SLC41A2: variants seen among roughly 807,000 people sequenced by gnomAD.
The protein encoded by SLC41A2 is SLC41A1-like 1.
A neutral mutation model predicts 58.3 loss-of-function variants in SLC41A2; 32 were observed. That is an observed-to-expected ratio of 0.55 (90% CI 0.41 to 0.74). The LOEUF is 0.74. Among genes scored for constraint, SLC41A2 ranks in the 30% least tolerant of loss-of-function variants. The probability of loss-of-function intolerance (pLI) is 0.00; values close to 1 mark genes in which losing one functional copy is unlikely to be tolerated. For synonymous variants in SLC41A2, 190 were observed against 235.0 expected (o/e 0.81, Z 1.75); for missense variants, 514 against 680.6 (o/e 0.76, Z 2.72).
chr12:104,847,789 G>A (rs1036072032), intron 8 of SLC41A2, among the ~76,000 whole-genome samples: 9 of 152,194 alleles, frequency 5.9e-5, no homozygotes, highest in Admixed American at 3.3e-4. Flanking sequence ...GACTGTAAGC[G>A]AAATGACATA....
At chr12:104,897,493 G>T (rs2045350332) in intron 3 of SLC41A2, among the ~76,000 whole-genome samples, 1 of 151,472 alleles carries the variant, frequency 6.6e-6, no homozygotes, top group Admixed American at 6.6e-5. Flanking sequence ...TCTCTAGGGT[G>T]GTACTAATCA....
At chr12:104,865,189 AGG>A (rs2043379091) in intron 7 of SLC41A2, among the ~76,000 whole-genome samples, 2 of 152,166 alleles carry the variant, frequency 1.3e-5, no homozygotes, top group Non-Finnish European at 2.9e-5. Flanking sequence ...TGGGGGTAAA[AGG>A]CTGTCTCTCA....
rs561927626 is a variant in SLC41A2, at chr12:104,805,053, C to T, written c.*99G>A. 9.1e-7 allele frequency: 1 copy of T among 1,100,224 alleles called. No individual in the cohort carries two copies. Among genetic ancestry groups the T allele is most frequent in the Non-Finnish European group, 1.3e-6 (1 of 792,546 alleles). The allele number at this position is 1,100,224 out of a possible 1,614,324, so 68.2% of individuals were successfully genotyped here. ...CAGGGCCAACTGAAGATTACCCTGG[C>T]AAAAGTCAAACTACTGATTTAAGAG... On this transcript the variant is annotated 3_prime_UTR_variant, in exon 11 of 11. Transcript: ENST00000258538.
At chr12:104,952,943 TCTC>T (rs528359766) in intron 1 of SLC41A2, among the ~76,000 whole-genome samples, 174 of 152,322 alleles carry the variant, frequency 1.1e-3, no homozygotes, top group African/African-American at 4.1e-3. Context: ...ATAGATAAGT[TCTC>T]CTTCTTCTGT....
chr12:104,880,364 T>A (rs1326362917), intron 6 of SLC41A2, among the ~76,000 whole-genome samples: 5 of 151,958 alleles, frequency 3.3e-5, no homozygotes, highest in Admixed American at 6.6e-5. Context: ...TGAATAGGAG[T>A]GGTGAGAGAG....
At chr12:104,907,326 T>G (rs2045899444) in intron 3 of SLC41A2, among the ~76,000 whole-genome samples, 1 of 152,100 alleles carries the variant, frequency 6.6e-6, no homozygotes, top group African/African-American at 2.4e-5. Context: ...TTCAGTCCTT[T>G]TAATGTTCAA....
chr12:104,928,127 T>C lies in SLC41A2; in HGVS notation c.401A>G (p.Asp134Gly), dbSNP rs200419172. Residue 134 changes from aspartate (D) to glycine (G), a missense_variant, in exon 2 of 11, where the codon GAT (aspartate) becomes GGT (glycine). By Grantham distance (94) the Asp-to-Gly change is moderately conservative. Around this residue, in one of 3 missense-constraint regions of SLC41A2, gnomAD observed 336 missense variants for 430.0 expected, o/e 0.78. Transcript: ENST00000258538. ...ATCTTCATCACCATCACTAGATATA[T>C]CTTCATCTTGTAACATGGCAGTGGT... ...SETTAMLQDE[D>G]ISSDGDEDAI... is the part of the protein sequence containing the mutation. 3 of 1,614,058 alleles carry C rather than the reference T, an allele frequency of 1.9e-6. No individual in the cohort carries two copies. Among genetic ancestry groups the C allele is most frequent in the Non-Finnish European group, 2.5e-6 (3 of 1,180,038 alleles).
chr12:104,815,833 A>G (rs913889314), intron 10 of SLC41A2, among the ~76,000 whole-genome samples: 3 of 152,200 alleles, frequency 2.0e-5, no homozygotes, highest in African/African-American at 7.2e-5. Flanking sequence ...TTATCAATCA[A>G]CAGGAATTCA....
At chr12:104,835,339 T>A (rs1037428280) in intron 10 of SLC41A2, among the ~76,000 whole-genome samples, 1 of 152,204 alleles carries the variant, frequency 6.6e-6, no homozygotes, top group Non-Finnish European at 1.5e-5. Flanking sequence ...CACCACTCTA[T>A]AGAATAAACT....
At chr12:104,829,268 G>T (rs555872293) in intron 10 of SLC41A2, among the ~76,000 whole-genome samples, 1 of 152,254 alleles carries the variant, frequency 6.6e-6, no homozygotes, top group South Asian at 2.1e-4. Flanking sequence ...CAGGTGAATG[G>T]ATAAACCAGT....
At chr12:104,938,474 A>G (rs1445438762) in intron 1 of SLC41A2, among the ~76,000 whole-genome samples, 2 of 152,246 alleles carry the variant, frequency 1.3e-5, no homozygotes, top group African/African-American at 4.8e-5. Context: ...CATCTCCATT[A>G]GCATCAGGTT....
In SLC41A2 at chr12:104,845,876, A is replaced by G; in HGVS notation, c.1354T>C (p.Cys452Arg). The G allele has an allele frequency of 7.4e-6, 12 of 1,613,796 alleles. No homozygotes were observed. The highest frequency in any genetic ancestry group is 1.0e-5 in the Non-Finnish European group (12 of 1,179,782). Residue 452 changes from cysteine to arginine, a missense_variant, in exon 9 of 11, where the codon TGT becomes CGT. Cys to Arg is a radical substitution (Grantham distance 180). Around this residue, in one of 3 missense-constraint regions of SLC41A2, gnomAD observed 128 missense variants for 146.0 expected, o/e 0.88. Transcript: ENST00000258538. ...PGELPDEPKG[C>R]YYPFRTFFGP... ...AAGAAAGTTCTAAATGGGTAGTAAC[A>G]ACCTTTGGGTTCATCAGGCAATTCT...
At chr12:104,891,844 T>C (rs1207334032) in intron 4 of SLC41A2, among the ~76,000 whole-genome samples, 2 of 152,122 alleles carry the variant, frequency 1.3e-5, no homozygotes, top group Non-Finnish European at 2.9e-5. Flanking sequence ...TCAGTAAAAT[T>C]GTAGGATACA....
intron 3 of SLC41A2, among the ~76,000 whole-genome samples, chr12:104,907,854 A>G (rs1380688981): frequency 6.6e-6 from 1 of 152,226 alleles, no homozygotes; most frequent in Non-Finnish European, 1.5e-5. Flanking sequence ...ATAAGAGCTC[A>G]CTAATACCAG....
chr12:104,904,325 T>C (rs1369390689), intron 3 of SLC41A2, among the ~76,000 whole-genome samples: 1 of 152,228 alleles, frequency 6.6e-6, no homozygotes, highest in African/African-American at 2.4e-5. Context: ...AGGCACCTTT[T>C]AACTCCCATT....
intron 10 of SLC41A2, among the ~76,000 whole-genome samples, chr12:104,832,472 A>G (rs2642120): frequency 0.49 from 74,349 of 151,948 alleles, 19,023 homozygotes; most frequent in Middle Eastern, 0.57. Flanking sequence ...CAACCCCATC[A>G]ACAGGACAGT....
chr12:104,872,222 C>T (rs551323091), intron 6 of SLC41A2, among the ~76,000 whole-genome samples: 17 of 152,166 alleles, frequency 1.1e-4, no homozygotes, highest in African/African-American at 3.9e-4. Flanking sequence ...CAACTGACTC[C>T]GCGAGGCCTA....
chr12:104,847,439 T>TA (rs1017973088), intron 8 of SLC41A2, among the ~76,000 whole-genome samples: 11 of 150,684 alleles, frequency 7.3e-5, no homozygotes, highest in African/African-American at 2.7e-4. Flanking sequence ...CCGTCTCTAC[T>TA]AAAAAAAATA....
chr12:104,914,386 G>A (rs1454464635), intron 2 of SLC41A2, among the ~76,000 whole-genome samples: 1 of 152,174 alleles, frequency 6.6e-6, no homozygotes, highest in Non-Finnish European at 1.5e-5. Context: ...CTCAAATGTT[G>A]GAATTGGAAA....
Sources: gnomAD v4.1 joint callset for allele counts (sites outside exome capture counted in the v4.1 genomes callset) on GRCh38, gnomAD v4.1.1 for gene constraint, gnomAD v4.1.1 regional missense constraint, MANE v1.5 for transcripts, NCBI Gene and HGNC (gene_info 2026-07-23, HGNC 2026-07-21) for gene names.